The following NR3C2 variants were observed in gnomAD, a reference collection of about 807,000 sequenced individuals.
NR3C2 encodes the protein mineralocorticoid receptor.
Under a neutral mutation model 86.4 loss-of-function variants are expected in NR3C2, and 15 were observed. The observed-to-expected ratio is 0.17, with a 90% confidence interval of 0.12 to 0.27. The LOEUF (loss-of-function observed/expected upper bound fraction) is 0.27. Ranked by LOEUF, NR3C2 falls within the 10% of genes least tolerant of loss-of-function variation. The pLI is 1.00. For synonymous variants in NR3C2, 458 were observed against 450.5 expected, an observed-to-expected ratio of 1.02 and a Z score of -0.21; for missense variants, 960 against 1,195.6, an observed-to-expected ratio of 0.80 and a Z score of 2.91.
chr4:148,404,376 T>A (rs2126542894), intron 2 of NR3C2, among the ~76,000 whole-genome samples: 1 of 152,272 alleles, frequency 6.6e-6, no homozygotes, highest in African/African-American at 2.4e-5. Context: ...AAAATACATT[T>A]ATTAATTAAA....
chr4:148,152,122 T>C (rs1404710344), intron 6 of NR3C2, among the ~76,000 whole-genome samples: 1 of 152,178 alleles, frequency 6.6e-6, no homozygotes, highest in Non-Finnish European at 1.5e-5. Context: ...AGAAATTAGA[T>C]TGTCTTCCCA....
upstream of NR3C2, among the ~76,000 whole-genome samples, chr4:148,443,432 A>G (rs560711088): frequency 1.3e-5 from 2 of 152,030 alleles, no homozygotes; most frequent in African/African-American, 4.8e-5. Context: ...GGTGGGTCAC[A>G]TAAGTGGGAG....
intron 2 of NR3C2, among the ~76,000 whole-genome samples, chr4:148,318,110 G>A (rs1424200528): frequency 6.8e-6 from 1 of 148,070 alleles, no homozygotes; most frequent in Admixed American, 6.9e-5. Context: ...CCACCTATGA[G>A]TGAGAATATG....
At chr4:148,183,107 T>A (rs1466735999) in intron 4 of NR3C2, among the ~76,000 whole-genome samples, 3 of 152,182 alleles carry the variant, frequency 2.0e-5, no homozygotes, top group Non-Finnish European at 2.9e-5. Context: ...TTGCTGAGAA[T>A]GATGGTTTCC....
chr4:148,237,808 T>A (rs1354570196), intron 3 of NR3C2, among the ~76,000 whole-genome samples: 1 of 152,060 alleles, frequency 6.6e-6, no homozygotes, highest in Admixed American at 6.6e-5. Flanking sequence ...ACGAGAAATA[T>A]ATATGCTAAA....
chr4:148,323,885 G>A (rs546899255), intron 2 of NR3C2, among the ~76,000 whole-genome samples: 17 of 152,082 alleles, frequency 1.1e-4, no homozygotes, highest in South Asian at 8.3e-4. Flanking sequence ...GTTCCCATTT[G>A]GCCATCTTGG....
At chr4:148,168,304 T>C (rs1390238051) in intron 4 of NR3C2, among the ~76,000 whole-genome samples, 1 of 152,180 alleles carries the variant, frequency 6.6e-6, no homozygotes, top group East Asian at 1.9e-4. Context: ...CAAATGCCCA[T>C]CATCAATTCA....
intron 3 of NR3C2, among the ~76,000 whole-genome samples, chr4:148,230,615 T>C (rs969648613): frequency 1.3e-5 from 2 of 152,236 alleles, no homozygotes; most frequent in Non-Finnish European, 2.9e-5. Flanking sequence ...TCAATTTGTA[T>C]AGGATTTTTG....
intron 2 of NR3C2, among the ~76,000 whole-genome samples, chr4:148,329,778 C>T (rs191256307): frequency 3.3e-4 from 50 of 152,264 alleles, no homozygotes; most frequent in South Asian, 1.0e-3. Flanking sequence ...ACTTGAATTC[C>T]GAACAATTCT....
chr4:148,369,005 GCCATTAACTACATTCTGTAAAAAACA>G (rs1199437815), intron 2 of NR3C2, among the ~76,000 whole-genome samples: 4 of 152,106 alleles, frequency 2.6e-5, no homozygotes, highest in African/African-American at 9.7e-5. Flanking sequence ...CCCACTTGCT[GCCATTAACTACATTCTGTAAAAAACA>G]CCATTAACTA....
intron 2 of NR3C2, among the ~76,000 whole-genome samples, chr4:148,425,833 C>T (rs11943992): frequency 3.9e-5 from 6 of 152,180 alleles, no homozygotes; most frequent in Non-Finnish European, 8.8e-5. Flanking sequence ...TTTGCCTTCA[C>T]TATAGGGCCT....
intron 8 of NR3C2, among the ~76,000 whole-genome samples, chr4:148,092,902 A>C (rs1322221572): frequency 6.6e-6 from 1 of 152,186 alleles, no homozygotes; most frequent in Admixed American, 6.5e-5. Context: ...CTTCATTGCA[A>C]TGAGTCAAAT....
chr4:148,126,469 C>A (rs1732751593), intron 6 of NR3C2, among the ~76,000 whole-genome samples: 1 of 152,042 alleles, frequency 6.6e-6, no homozygotes, highest in Non-Finnish European at 1.5e-5. Flanking sequence ...TAGAAGATGG[C>A]AAATCTAGGG....
At chr4:148,172,099 A>T (rs1354836520) in intron 4 of NR3C2, among the ~76,000 whole-genome samples, 2 of 143,958 alleles carry the variant, frequency 1.4e-5, no homozygotes, top group African/African-American at 5.1e-5. Context: ...TCTTTCTATT[A>T]CCTCTTATTC....
At chr4:148,288,636 T>C (rs758167190) in intron 2 of NR3C2, among the ~76,000 whole-genome samples, 3 of 152,210 alleles carry the variant, frequency 2.0e-5, no homozygotes, top group Non-Finnish European at 4.4e-5. Flanking sequence ...ACCTCTCTCT[T>C]ATATACTTTA....
At chr4:148,244,305 G>C (rs1000080117) in intron 3 of NR3C2, among the ~76,000 whole-genome samples, 2 of 152,154 alleles carry the variant, frequency 1.3e-5, no homozygotes, top group Non-Finnish European at 2.9e-5. Flanking sequence ...ACTGCTGAAA[G>C]TTTAAAAATA....
chr4:148,357,694 T>C (rs1202759134), intron 2 of NR3C2, among the ~76,000 whole-genome samples: 2 of 152,200 alleles, frequency 1.3e-5, no homozygotes, highest in Non-Finnish European at 2.9e-5. Context: ...TTAACATTAA[T>C]TATTTCTGCT....
At chr4:148,302,270 C>A (rs112553822) in intron 2 of NR3C2, among the ~76,000 whole-genome samples, 51 of 152,244 alleles carry the variant, frequency 3.3e-4, no homozygotes, top group African/African-American at 1.1e-3. Flanking sequence ...CAAGAGTTAA[C>A]CAAATGGACT....
intron 8 of NR3C2, among the ~76,000 whole-genome samples, chr4:148,098,837 T>C (rs1731411752): frequency 1.3e-5 from 2 of 152,212 alleles, no homozygotes; most frequent in Admixed American, 1.3e-4. Flanking sequence ...TAAAACTATC[T>C]CCTCTATTTT....
Sources: gnomAD v4.1 joint callset for allele counts (sites outside exome capture counted in the v4.1 genomes callset) on GRCh38, gnomAD v4.1.1 for gene constraint, MANE v1.5 for transcripts, NCBI Gene and HGNC (gene_info 2026-07-23, HGNC 2026-07-21) for gene names.